The following PRKCA variants were observed in gnomAD, a reference collection of about 807,000 sequenced individuals.
PRKCA encodes the protein protein kinase C alpha type.
PRKCA carries 27 observed loss-of-function variants against 87.0 expected under a neutral mutation model. The observed-to-expected ratio is 0.31, with a 90% confidence interval of 0.23 to 0.43. The LOEUF (loss-of-function observed/expected upper bound fraction) is 0.43. Among genes scored for constraint, PRKCA ranks in the 20% least tolerant of loss-of-function variants. The pLI, the probability that PRKCA is intolerant of heterozygous loss-of-function variation, is 1.00. For missense variants in PRKCA, 518 were observed against 852.3 expected (o/e 0.61, Z 4.88); for synonymous variants, 329 against 311.1 (o/e 1.06, Z -0.61).
At chr17:66,356,930 T>G (rs933416149) in intron 2 of PRKCA, among the ~76,000 whole-genome samples, 16 of 152,248 alleles carry the variant, frequency 1.1e-4, no homozygotes, top group African/African-American at 3.4e-4. Flanking sequence ...TTATTGATTT[T>G]TTACTTTTGG....
chr17:66,433,533 G>A (rs1273807374), intron 2 of PRKCA, among the ~76,000 whole-genome samples: 1 of 151,994 alleles, frequency 6.6e-6, no homozygotes, highest in African/African-American at 2.4e-5. Flanking sequence ...AAGTTGATCT[G>A]AGGAGTTTTT....
intron 2 of PRKCA, among the ~76,000 whole-genome samples, chr17:66,392,551 C>T (rs945044098): frequency 2.6e-5 from 4 of 152,074 alleles, no homozygotes; most frequent in Admixed American, 6.6e-5. Flanking sequence ...CTTAGCTTCT[C>T]GGGCTGTCAT....
chr17:66,303,778 G>A (rs536618188), intron 1 of PRKCA, among the ~76,000 whole-genome samples: 1 of 152,208 alleles, frequency 6.6e-6, no homozygotes, highest in Admixed American at 6.5e-5. Context: ...CGAGGCAGGC[G>A]GATCACCTAA....
At chr17:66,554,589 G>A (rs1274037055) in intron 3 of PRKCA, 5 of 795,250 alleles carry the variant, frequency 6.3e-6, no homozygotes, top group African/African-American at 4.1e-5. Context: ...GGTAAGGTGG[G>A]TGACCTGTTA....
chr17:66,352,709 G>A (rs1907823342), intron 2 of PRKCA, among the ~76,000 whole-genome samples: 2 of 151,770 alleles, frequency 1.3e-5, no homozygotes, highest in Admixed American at 1.3e-4. Flanking sequence ...GACTACAGGT[G>A]CGTGCCACCA....
chr17:66,646,316 C>T (rs893992954), intron 5 of PRKCA, among the ~76,000 whole-genome samples: 2 of 152,112 alleles, frequency 1.3e-5, no homozygotes, highest in Non-Finnish European at 2.9e-5. Context: ...TTCGGTTCAT[C>T]GGCACACTCA....
At chr17:66,346,985 C>G (rs1907418076) in intron 2 of PRKCA, among the ~76,000 whole-genome samples, 1 of 150,520 alleles carries the variant, frequency 6.6e-6, no homozygotes, top group South Asian at 2.1e-4. Flanking sequence ...GAGCCAAGAT[C>G]ATGCCACTGC....
chr17:66,666,297 G>T (rs190090598), intron 5 of PRKCA, among the ~76,000 whole-genome samples: 3 of 152,290 alleles, frequency 2.0e-5, no homozygotes, highest in Admixed American at 1.3e-4. Flanking sequence ...AGCAGACTAA[G>T]GTTTAACATT....
At chr17:66,620,699 A>G (rs1479022189) in intron 3 of PRKCA, among the ~76,000 whole-genome samples, 2 of 152,206 alleles carry the variant, frequency 1.3e-5, no homozygotes, top group South Asian at 2.1e-4. Flanking sequence ...GTCAAAGTGA[A>G]CACAGTGAAT....
chr17:66,584,261 G>A (rs1457379751), intron 3 of PRKCA, among the ~76,000 whole-genome samples: 4 of 136,558 alleles, frequency 2.9e-5, no homozygotes, highest in Admixed American at 7.5e-5. Context: ...TCGCTCTGTC[G>A]CCCAGGCTGG....
At chr17:66,409,033 C>CAAAAAAAA (rs10661202) in intron 2 of PRKCA, among the ~76,000 whole-genome samples, 3 of 76,952 alleles carry the variant, frequency 3.9e-5, no homozygotes, top group Non-Finnish European at 6.9e-5. Flanking sequence ...TCCCCAGTCT[C>CAAAAAAAA]AAAAAAAAAA....
Position 66,590,572 on chromosome 17 carries a change from GACGTAGTGGCTC to G in PRKCA, c.289-50779_289-50768del, listed in dbSNP as rs1969769773. On this transcript the variant is annotated intron_variant, in intron 3 of 16. Coordinates refer to ENST00000413366, the MANE Select transcript of PRKCA (RefSeq NM_002737.3). ...AGATGTTAAAGAGGATGCTGGTCTG[GACGTAGTGGCTC>G]ACGCCTGTAATCCCAGCACTTTGGG... Among the ~76,000 whole-genome samples, 4 of 152,220 alleles carry G rather than the reference GACGTAGTGGCTC, an allele frequency of 2.6e-5. No individual in the cohort carries two copies. The South Asian group carries it at 8.3e-4, about 31-fold the overall frequency.
chr17:66,661,488 C>T (rs749216916), intron 5 of PRKCA, among the ~76,000 whole-genome samples: 56 of 152,110 alleles, frequency 3.7e-4, no homozygotes, highest in Non-Finnish European at 7.5e-4. Context: ...CTTGCACATC[C>T]GTGAAATTAC....
At chr17:66,306,271 C>A in intron 2 of PRKCA, 144 bp downstream of exon 2, 2 of 794,934 alleles carry the variant, frequency 2.5e-6, no homozygotes, top group Non-Finnish European at 3.8e-6. Flanking sequence ...AAATTTGGGC[C>A]TTAAAAAATA....
At chr17:66,796,473 T>C (rs948531111) in intron 16 of PRKCA, 6 of 985,254 alleles carry the variant, frequency 6.1e-6, no homozygotes, top group Non-Finnish European at 7.2e-6. Flanking sequence ...ATGCACTGGC[T>C]TCAGTGGGCC....
At chr17:66,660,627 C>T (rs1028419828) in intron 5 of PRKCA, among the ~76,000 whole-genome samples, 5 of 152,244 alleles carry the variant, frequency 3.3e-5, no homozygotes, top group African/African-American at 1.2e-4. Flanking sequence ...CGATGGCTCA[C>T]GCCTGTAATC....
chr17:66,321,175 A>G (rs925344237), intron 2 of PRKCA, among the ~76,000 whole-genome samples: 3 of 152,222 alleles, frequency 2.0e-5, no homozygotes, highest in African/African-American at 2.4e-5. Flanking sequence ...TCTTATAAAT[A>G]TTCCATGGAA....
chr17:66,607,264 A>T (rs1055647953), intron 3 of PRKCA, among the ~76,000 whole-genome samples: 2 of 152,166 alleles, frequency 1.3e-5, no homozygotes, highest in Non-Finnish European at 2.9e-5. Context: ...ACTTTTGCCA[A>T]ACCACTCTAG....
Position 66,489,791 on chromosome 17 carries a change from TC to T in PRKCA, c.206-6409del, listed in dbSNP as rs1209005112. On this transcript the variant is annotated intron_variant, in intron 2 of 16. Transcript: ENST00000413366. ...TAATTCCTTTCTTTCCTTTTTTTTT[TC>T]TTTCTTGAGACAGGGTCTCACTCTG... 1.7e-3 allele frequency among the ~76,000 whole-genome samples: 252 copies of T among 151,822 alleles called. 2 individuals are homozygous for T. Among genetic ancestry groups the T allele is most frequent in the Admixed American group, 2.7e-3 (41 of 15,242 alleles).
Sources: gnomAD v4.1 joint callset for allele counts (sites outside exome capture counted in the v4.1 genomes callset) on GRCh38, gnomAD v4.1.1 for gene constraint, MANE v1.5 for transcripts, NCBI Gene and HGNC (gene_info 2026-07-23, HGNC 2026-07-21) for gene names.